Variants in MMP26 observed in about 807,000 individuals in gnomAD.
MMP26 encodes matrix metalloproteinase-26.
MMP26 carries 33 observed loss-of-function variants against 31.0 expected under a neutral mutation model. The observed-to-expected ratio is 1.06, with a 90% CI of 0.81 to 1.42. The LOEUF (loss-of-function observed/expected upper bound fraction) is 1.42, where lower values mean the gene tolerates loss of function less well. MMP26 is among the 40% of genes most tolerant of loss of function. The pLI is 0.00. For missense variants in MMP26, 347 were observed against 316.1 expected, an observed-to-expected ratio of 1.10 and a Z score of -0.74; for synonymous variants, 122 against 114.9, an observed-to-expected ratio of 1.06 and a Z score of -0.40.
At chr11:4,743,550 C>G (rs1589888749) in intron 1 of MMP26, among the ~76,000 whole-genome samples, 2 of 152,240 alleles carry the variant, frequency 1.3e-5, no homozygotes, top group East Asian at 1.9e-4. Context: ...GTCCTAATCT[C>G]TTTAGGGAAA....
intron 2 of MMP26, among the ~76,000 whole-genome samples, chr11:4,864,725 CT>C (rs1290276392): frequency 6.6e-6 from 1 of 152,036 alleles, no homozygotes; most frequent in African/African-American, 2.4e-5. Flanking sequence ...TGCAACCCCC[CT>C]GAGTGTTAAA....
intron 2 of MMP26, among the ~76,000 whole-genome samples, chr11:4,879,763 G>A (rs1196321929): frequency 6.6e-6 from 1 of 152,110 alleles, no homozygotes; most frequent in African/African-American, 2.4e-5. Context: ...GAATCGGAAG[G>A]GTTCTTAGGA....
intron 2 of MMP26, chr11:4,923,499 C>G (rs1455595467): frequency 1.2e-6 from 2 of 1,614,058 alleles, no homozygotes; most frequent in Non-Finnish European, 1.7e-6. Flanking sequence ...AGCAGATACA[C>G]ATAGGACATG....
Position 4,986,932 on chromosome 11 carries a change from C to CTCCCT in MMP26, c.-144-1136_-144-1135insTCCCT, listed in dbSNP as rs1564819722. On this transcript the variant is annotated intron_variant, in intron 2 of 7. Transcript: ENST00000380390. ...CTCTCTCTCTCTCTCTCTCTCTCTC[C>CTCCCT]CTCTCTCTCTCTCTCTCTCTCTCTC... Among the ~76,000 whole-genome samples the CTCCCT allele has an allele frequency of 6.3e-4, 38 of 60,444 alleles. 1 individual carries two copies. Among genetic ancestry groups the CTCCCT allele is most frequent in the African/African-American group, 1.6e-3 (22 of 14,172 alleles). 39.7% of individuals were successfully genotyped at this position (60,444 alleles called of 152,430 possible). A position where few individuals can be genotyped will look rare whatever the true frequency, so the allele number is the denominator to read the frequency against.
chr11:4,851,998 T>C (rs533599371), intron 2 of MMP26, among the ~76,000 whole-genome samples: 9 of 152,230 alleles, frequency 5.9e-5, no homozygotes, highest in South Asian at 2.1e-4. Context: ...AAAAGGCACA[T>C]TGTTATGTAG....
chr11:4,806,378 C>A (rs944012481), intron 2 of MMP26, among the ~76,000 whole-genome samples: 4 of 151,842 alleles, frequency 2.6e-5, no homozygotes, highest in Non-Finnish European at 5.9e-5. Context: ...TAGGTCTCTA[C>A]GGACTTGCTT....
rs1564819768 is a variant in MMP26, at chr11:4,986,940, T to TCTCTCTCTCTCC, written c.-144-1117_-144-1116insCCTCTCTCTCTC. Reference sequence around the variant, plus strand: ...CTCTCTCTCTCTCTCTCCCTCTCTCTCTCTCTCTCTCTCTCTCTCCCTCTC... The same window carrying TCTCTCTCTCTCC: ...CTCTCTCTCTCTCTCTCCCTCTCTCTCTCTCTCTCTCCCTCTCTCTCTCTCTCTCTCCCTCTC... On this transcript the variant is annotated intron_variant, in intron 2 of 7. Coordinates refer to ENST00000380390, the MANE Select transcript of MMP26 (RefSeq NM_021801.5). 3.3e-3 allele frequency among the ~76,000 whole-genome samples: 383 copies of TCTCTCTCTCTCC among 117,840 alleles called. 28 individuals are homozygous for TCTCTCTCTCTCC. The highest frequency in any genetic ancestry group is 0.012 in the African/African-American group (354 of 29,594). 77.3% of individuals were successfully genotyped at this position (117,840 alleles called of 152,430 possible).
intron 2 of MMP26, among the ~76,000 whole-genome samples, chr11:4,897,239 A>G (rs533409686): frequency 6.6e-6 from 1 of 152,188 alleles, no homozygotes; most frequent in South Asian, 2.1e-4. Context: ...TCTCTGGTTC[A>G]AGCAATTCTC....
intron 2 of MMP26, among the ~76,000 whole-genome samples, chr11:4,834,629 AG>A (rs1278566470): frequency 2.0e-5 from 3 of 152,184 alleles, no homozygotes; most frequent in African/African-American, 7.2e-5. Flanking sequence ...CAGTCCTTCC[AG>A]GGAGATCAAA....
chr11:4,748,659 T>A (rs951723932), intron 1 of MMP26, among the ~76,000 whole-genome samples: 1 of 150,594 alleles, frequency 6.6e-6, no homozygotes, highest in Middle Eastern at 3.5e-3. Flanking sequence ...TCAGTAAGTA[T>A]GATTCACCAC....
intron 2 of MMP26, among the ~76,000 whole-genome samples, chr11:4,936,659 A>T (rs1350958258): frequency 6.6e-6 from 1 of 152,188 alleles, no homozygotes; most frequent in East Asian, 1.9e-4. Context: ...AGCTGGGCGT[A>T]AAATATAAAT....
chr11:4,709,840 C>T (rs1006790776), intron 1 of MMP26: 4 of 457,066 alleles, frequency 8.8e-6, no homozygotes, highest in Admixed American at 2.4e-5. Context: ...TGGTTCAATG[C>T]TCGAGAAATC....
At chr11:4,809,409 G>A (rs1171706626) in intron 2 of MMP26, among the ~76,000 whole-genome samples, 1 of 152,196 alleles carries the variant, frequency 6.6e-6, no homozygotes, top group Non-Finnish European at 1.5e-5. Flanking sequence ...GTTTTCACCT[G>A]TCAGACTGGG....
chr11:4,893,454 A>T (rs1002039408), intron 2 of MMP26, among the ~76,000 whole-genome samples: 4 of 152,090 alleles, frequency 2.6e-5, no homozygotes, highest in African/African-American at 9.7e-5. Flanking sequence ...GGACCACTAT[A>T]CTGCTTTCTT....
intron 2 of MMP26, among the ~76,000 whole-genome samples, chr11:4,967,637 T>C (rs1054830179): frequency 1.3e-4 from 20 of 152,164 alleles, no homozygotes; most frequent in African/African-American, 4.3e-4. Context: ...AGCTTTGGCT[T>C]CATAAAGTCA....
chr11:4,889,946 A>G (rs1469443168), intron 2 of MMP26: 1 of 158,744 alleles, frequency 6.3e-6, no homozygotes. Flanking sequence ...GAAACCATAG[A>G]AGAAGTTGAC....
chr11:4,962,398 T>G (rs1326462466), intron 2 of MMP26, among the ~76,000 whole-genome samples: 1 of 152,194 alleles, frequency 6.6e-6, no homozygotes, highest in Non-Finnish European at 1.5e-5. Context: ...TAAGGTTGCT[T>G]TCTTATTTAT....
At chr11:4,778,888 A>G (rs1848822914) in intron 2 of MMP26, among the ~76,000 whole-genome samples, 1 of 151,992 alleles carries the variant, frequency 6.6e-6, no homozygotes, top group East Asian at 1.9e-4. Flanking sequence ...TTATTGATTT[A>G]TAGACATACA....
intron 2 of MMP26, among the ~76,000 whole-genome samples, chr11:4,819,461 A>C (rs1299141796): frequency 6.6e-6 from 1 of 151,962 alleles, no homozygotes; most frequent in Non-Finnish European, 1.5e-5. Flanking sequence ...GAGAATATTA[A>C]GAGAGACTGG....
Sources: allele counts gnomAD v4.1 joint callset (sites outside exome capture counted in the v4.1 genomes callset), GRCh38; gene constraint gnomAD v4.1.1; transcripts MANE v1.5; gene names NCBI Gene and HGNC (gene_info 2026-07-23, HGNC 2026-07-21).